Variants in HSF5 observed in about 807,000 individuals in gnomAD.
HSF5 encodes heat shock transcription factor 5.
HSF5 carries 5 observed loss-of-function variants against 50.8 expected under a neutral mutation model. The observed-to-expected ratio is 0.10, with a 90% CI of 0.05 to 0.21. HSF5 has a LOEUF of 0.21. Ranked by LOEUF, HSF5 falls within the 10% of genes least tolerant of loss-of-function variation. HSF5 has a pLI of 1.00. For missense variants in HSF5, 564 were observed against 762.6 expected, an observed-to-expected ratio of 0.74 and a Z score of 3.07; for synonymous variants, 307 against 307.4, an observed-to-expected ratio of 1.00 and a Z score of 0.02.
At chr17:58,464,033 C>G (rs1190167678) in intron 3 of HSF5, among the ~76,000 whole-genome samples, 1 of 152,126 alleles carries the variant, frequency 6.6e-6, no homozygotes, top group Non-Finnish European at 1.5e-5. Context: ...GAGCTTCGCA[C>G]AGAGTAGGCA....
At chr17:58,473,743 T>C (rs1198331525) in intron 2 of HSF5, among the ~76,000 whole-genome samples, 1 of 152,230 alleles carries the variant, frequency 6.6e-6, no homozygotes, top group Non-Finnish European at 1.5e-5. Context: ...GTTAGTCTGA[T>C]GGCAACTTTT....
At chr17:58,434,346 C>G (rs902843276) in intron 5 of HSF5, among the ~76,000 whole-genome samples, 1 of 151,424 alleles carries the variant, frequency 6.6e-6, no homozygotes, top group Admixed American at 6.6e-5. Context: ...GGGAGGAAAT[C>G]GAGACCATCC....
chr17:58,481,937 T>C (rs1598203822), intron 1 of HSF5, among the ~76,000 whole-genome samples: 1 of 151,998 alleles, frequency 6.6e-6, no homozygotes, highest in South Asian at 2.1e-4. Context: ...GAGGTGGAGG[T>C]TGCAGTAAGC....
chr17:58,475,678 GT>G (rs1156650120), intron 2 of HSF5, among the ~76,000 whole-genome samples: 1 of 152,026 alleles, frequency 6.6e-6, no homozygotes, highest in African/African-American at 2.4e-5. Context: ...GTTTTGTTTT[GT>G]TTTTTAACAA....
intron 5 of HSF5, among the ~76,000 whole-genome samples, chr17:58,422,692 GC>G (rs1236813928): frequency 1.5e-5 from 2 of 133,660 alleles, no homozygotes; most frequent in African/African-American, 5.6e-5. Context: ...CACCTCAGTT[GC>G]CTTTTTTTTT....
At chr17:58,430,256 T>C (rs985311168) in intron 5 of HSF5, among the ~76,000 whole-genome samples, 22 of 152,060 alleles carry the variant, frequency 1.4e-4, no homozygotes, top group Non-Finnish European at 2.6e-4. Context: ...GTATTTTTAG[T>C]AGATGGGGTT....
chr17:58,468,450 C>T (rs926489710), intron 2 of HSF5, among the ~76,000 whole-genome samples: 1 of 152,128 alleles, frequency 6.6e-6, no homozygotes, highest in Non-Finnish European at 1.5e-5. Flanking sequence ...AAGCTAAACC[C>T]TGTTCCTGAA....
chr17:58,451,504 T>C (rs963619072), intron 5 of HSF5, among the ~76,000 whole-genome samples: 1 of 152,154 alleles, frequency 6.6e-6, no homozygotes, highest in Non-Finnish European at 1.5e-5. Context: ...TCTGACCACA[T>C]GCAATAAAAC....
At chr17:58,448,638 C>CTG (rs2143758490) in intron 5 of HSF5, among the ~76,000 whole-genome samples, 1 of 152,250 alleles carries the variant, frequency 6.6e-6, no homozygotes, top group East Asian at 1.9e-4. Context: ...CCTAGCAAAG[C>CTG]TATCCTTCAA....
intron 1 of HSF5, among the ~76,000 whole-genome samples, chr17:58,484,049 C>T (rs1460321718): frequency 6.6e-6 from 1 of 152,148 alleles, no homozygotes; most frequent in East Asian, 1.9e-4. Context: ...TCTTGAATAA[C>T]TTTGCTAAAT....
intron 1 of HSF5, 108 bp downstream of exon 1, chr17:58,487,617 T>C: frequency 7.7e-7 from 1 of 1,294,476 alleles, no homozygotes. Flanking sequence ...CCGGCGCCTT[T>C]CCGACGCCCA....
intron 5 of HSF5, among the ~76,000 whole-genome samples, chr17:58,447,148 C>T (rs1974572390): frequency 6.6e-6 from 1 of 152,084 alleles, no homozygotes; most frequent in Non-Finnish European, 1.5e-5. Flanking sequence ...CGAAAGAGTG[C>T]AGGGGACTCT....
intron 5 of HSF5, among the ~76,000 whole-genome samples, chr17:58,434,656 ACAACCTGGG>A (rs1974404069): frequency 6.6e-6 from 1 of 152,122 alleles, no homozygotes; most frequent in Non-Finnish European, 1.5e-5. Context: ...GGAAATCAAG[ACAACCTGGG>A]CAACATGGCA....
intron 5 of HSF5, among the ~76,000 whole-genome samples, chr17:58,453,729 A>G (rs1449731549): frequency 1.3e-5 from 2 of 152,232 alleles, no homozygotes; most frequent in Non-Finnish European, 1.5e-5. Context: ...AATACATTAC[A>G]TTAACAAAAT....
At position 58,487,903 on chromosome 17, in the gene HSF5, G is replaced by T. The variant is rs780837180; in HGVS notation, c.372C>A (p.Leu124=). The T allele has an allele frequency of 4.4e-5, 71 of 1,610,570 alleles. No individual in the cohort carries two copies. Among genetic ancestry groups the T allele is most frequent in the Admixed American group, 6.7e-5 (4 of 59,906 alleles). The change falls in exon 1 of 6, where the codon CTC becomes CTA. Residue 124 remains leucine (L), a synonymous_variant. Coordinates refer to ENST00000323777, the MANE Select transcript of HSF5 (RefSeq NM_001080439.3). ...CGCTGGTGAGGCGCTTGAGGTGCACGAGCAGCTGTGGCTGGTCGCGGCGGA... is the reference window on the plus strand; with the variant it reads ...CGCTGGTGAGGCGCTTGAGGTGCACTAGCAGCTGTGGCTGGTCGCGGCGGA... ...PHFRRDQPQL[L]VHLKRLTSAN...
chr17:58,487,870 C>T lies in HSF5; in HGVS notation c.405G>A (p.Lys135=). The change falls in exon 1 of 6, where the codon AAG becomes AAA. Residue 135 remains lysine, a synonymous_variant. Transcript: ENST00000323777. ...VHLKRLTSAN[K]AKLAAGLEVP... ...CCTCCAGGCCGGCCGCCAGCTTGGC[C>T]TTGTTGGCGCTGGTGAGGCGCTTGA... 1 of 1,604,660 alleles carries T rather than the reference C, an allele frequency of 6.2e-7. No homozygotes were observed.
Position 58,487,936 on chromosome 17 carries a change from G to A in HSF5, c.339C>T (p.Asn113=), listed in dbSNP as rs1007107096. ...AGNGPLHHFH[N]PHFRRDQPQL... is the part of the protein sequence containing the mutation. Reference sequence around the variant, plus strand: ...GTGGCTGGTCGCGGCGGAAGTGCGGGTTGTGGAAGTGATGGAGCGGCCCAT... The same window carrying A: ...GTGGCTGGTCGCGGCGGAAGTGCGGATTGTGGAAGTGATGGAGCGGCCCAT... The change falls in exon 1 of 6, where the codon AAC becomes AAT. Residue 113 remains asparagine (N), a synonymous_variant. Coordinates refer to ENST00000323777, the MANE Select transcript of HSF5 (RefSeq NM_001080439.3). 5.0e-6 allele frequency: 8 copies of A among 1,611,396 alleles called. No individual in the cohort carries two copies. The Admixed American group carries it at 6.7e-5, about 13-fold the overall frequency.
chr17:58,442,816 C>T (rs1278975411), intron 5 of HSF5, among the ~76,000 whole-genome samples: 1 of 151,794 alleles, frequency 6.6e-6, no homozygotes, highest in Non-Finnish European at 1.5e-5. Context: ...CTGCTCACTG[C>T]AACCTCCACC....
chr17:58,479,003 C>A (rs984978448), intron 2 of HSF5, among the ~76,000 whole-genome samples: 2 of 151,820 alleles, frequency 1.3e-5, no homozygotes, highest in African/African-American at 4.8e-5. Context: ...GTTCTCAATG[C>A]CCTTGCTTGA....
Sources: allele counts gnomAD v4.1 joint callset (sites outside exome capture counted in the v4.1 genomes callset), GRCh38; gene constraint gnomAD v4.1.1; transcripts MANE v1.5; gene names NCBI Gene and HGNC (gene_info 2026-07-23, HGNC 2026-07-21).